Variants in SLC9C2 observed in about 807,000 individuals in gnomAD.
SLC9C2 encodes solute carrier family 9 member C2 (putative).
A neutral mutation model predicts 140.2 loss-of-function variants in SLC9C2; 75 were observed. That is an observed-to-expected ratio of 0.53 (90% confidence interval 0.44 to 0.65). The LOEUF (loss-of-function observed/expected upper bound fraction) is 0.65. Among genes scored for constraint, SLC9C2 ranks in the 30% least tolerant of loss-of-function variants. SLC9C2 has a pLI of 0.00. For synonymous variants in SLC9C2, 375 were observed against 420.9 expected, an observed-to-expected ratio of 0.89 and a Z score of 1.34; for missense variants, 1,074 against 1,331.8, an observed-to-expected ratio of 0.81 and a Z score of 3.01.
intron 18 of SLC9C2, 107 bp from the exon 19 acceptor site, chr1:173,526,821 T>C: frequency 1.3e-6 from 1 of 748,916 alleles, no homozygotes; most frequent in East Asian, 2.8e-5. Flanking sequence ...GCATACTTAT[T>C]ATACCAAGTA....
rs553332205 is a variant in SLC9C2 at position 173,506,280 on chromosome 1, C to G, written c.3225+576G>C. On this transcript the variant is annotated intron_variant, in intron 25 of 27. Transcript: ENST00000367714. ...TCAGCTCTTCCCATGGCCTCTGGGT[C>G]CTCCCCATTCCTTTGCCCAGTGGCA... is the stretch of plus-strand genomic sequence containing the variant. 3.9e-5 allele frequency among the ~76,000 whole-genome samples: 6 copies of G among 152,320 alleles called. No homozygotes were observed. The East Asian group carries it at 9.7e-4, about 25-fold the overall frequency.
At chr1:173,575,300 G>A (rs909548248) in intron 8 of SLC9C2, among the ~76,000 whole-genome samples, 3 of 152,094 alleles carry the variant, frequency 2.0e-5, no homozygotes, top group Non-Finnish European at 4.4e-5. Context: ...GACCTAAGAT[G>A]CAACATCCAG....
intron 23 of SLC9C2, among the ~76,000 whole-genome samples, chr1:173,512,404 C>G (rs554992307): frequency 1.3e-5 from 2 of 152,052 alleles, no homozygotes; most frequent in African/African-American, 2.4e-5. Flanking sequence ...ATTTTATTCT[C>G]TTTGTAGCAA....
rs116735382 is a variant in SLC9C2 at position 173,540,237 on chromosome 1, T to C, written c.1558-3198A>G. Among the ~76,000 whole-genome samples the C allele has an allele frequency of 4.4e-3, 668 of 152,216 alleles. 8 individuals carry two copies. The highest frequency in any genetic ancestry group is 0.015 in the African/African-American group (634 of 41,530). On this transcript the variant is annotated intron_variant, in intron 13 of 27. Transcript: ENST00000367714. ...GCTGCCAAACCTGCGAGTGAGGACA[T>C]CCTGGACCCTCCAACCATAGCTGAT...
At chr1:173,507,144 G>C (rs1378335406) in intron 24 of SLC9C2, 103 bp from the exon 25 acceptor site, 2 of 911,608 alleles carry the variant, frequency 2.2e-6, no homozygotes, top group African/African-American at 3.4e-5. Flanking sequence ...GAGGGTGTCA[G>C]AAGGTACACA....
At chr1:173,573,148 GTT>G (rs920072077) in intron 9 of SLC9C2, 32 bp downstream of exon 9, 2 of 1,422,246 alleles carry the variant, frequency 1.4e-6, no homozygotes, top group African/African-American at 2.9e-5. Flanking sequence ...GAGAATCTCA[GTT>G]TAGTAAACAA....
chr1:173,571,592 A>G (rs1376060435), intron 9 of SLC9C2: 1 of 151,634 alleles, frequency 6.6e-6, no homozygotes, highest in Non-Finnish European at 1.5e-5. Context: ...AGTCTTTATT[A>G]TTTTCTAATA....
rs761843503 is a variant in SLC9C2, at chr1:173,557,370, G to A, written c.1185C>T (p.Leu395=). 1.8e-4 allele frequency: 294 copies of A among 1,612,890 alleles called. 2 individuals carry two copies. The Admixed American group carries it at 4.7e-3, about 26-fold the overall frequency. ...GTGGTACTTCCACTTTTCGTTCAGC[G>A]AGATTATAAACATCAGGAGCCCAGA... is the stretch of plus-strand genomic sequence containing the variant. ...NLLWAPDVYN[L]AERKVEVPQM... is the part of the protein sequence containing the mutation. The change falls in exon 10 of 28, where the codon CTC becomes CTT. Residue 395 remains leucine, a synonymous_variant. Transcript: ENST00000367714.
At chr1:173,553,766 C>T (rs554142225) in intron 11 of SLC9C2, among the ~76,000 whole-genome samples, 1 of 152,244 alleles carries the variant, frequency 6.6e-6, no homozygotes, top group South Asian at 2.1e-4. Context: ...GCATTATTTG[C>T]TTTGTCACGT....
intron 6 of SLC9C2, among the ~76,000 whole-genome samples, chr1:173,582,671 T>C (rs1322928608): frequency 1.3e-5 from 2 of 152,192 alleles, no homozygotes; most frequent in South Asian, 2.1e-4. Context: ...AAACACATTT[T>C]CTCCATTCAT....
At chr1:173,521,046 T>C (rs1209655678) in intron 22 of SLC9C2, among the ~76,000 whole-genome samples, 1 of 152,176 alleles carries the variant, frequency 6.6e-6, no homozygotes, top group Non-Finnish European at 1.5e-5. Flanking sequence ...TTTCCTTCTC[T>C]GAACATTCTG....
At position 173,509,177 on chromosome 1, in the gene SLC9C2, C is replaced by T. The variant is rs544000209; in HGVS notation, c.3039+391G>A. On this transcript the variant is annotated intron_variant, in intron 24 of 27. Transcript: ENST00000367714. ...GCAGACACAGGGCCAGGCACAGTGGCTCACGCCTATAATCCCAGCACTTTG... is the reference window on the plus strand; with the variant it reads ...GCAGACACAGGGCCAGGCACAGTGGTTCACGCCTATAATCCCAGCACTTTG... Among the ~76,000 whole-genome samples, 60 of 152,246 alleles carry T rather than the reference C, an allele frequency of 3.9e-4. 2 individuals are homozygous for T. The highest frequency in any genetic ancestry group is 3.9e-4 in the East Asian group (2 of 5,190).
intron 9 of SLC9C2, among the ~76,000 whole-genome samples, chr1:173,566,130 C>A (rs931084913): frequency 6.6e-6 from 1 of 151,986 alleles, no homozygotes; most frequent in African/African-American, 2.4e-5. Flanking sequence ...AGATATTGAC[C>A]TGAAGTTTTC....
Position 173,568,428 on chromosome 1 carries a change from A to C in SLC9C2, c.1046+4754T>G, listed in dbSNP as rs573689129. Among the ~76,000 whole-genome samples, 3 of 152,292 alleles carry C rather than the reference A, an allele frequency of 2.0e-5. No homozygotes were observed. The South Asian group carries it at 6.2e-4, about 32-fold the overall frequency. On this transcript the variant is annotated intron_variant, in intron 9 of 27. Transcript: ENST00000367714. Reference sequence around the variant, plus strand: ...TAGTTTGCTAAGGATAATAACCTCCAACTCTATCCATGTTCCACAAAAGAC... The same window carrying C: ...TAGTTTGCTAAGGATAATAACCTCCCACTCTATCCATGTTCCACAAAAGAC...
chr1:173,524,994 A>G, intron 19 of SLC9C2, 67 bp from the exon 20 acceptor site: 2 of 1,450,662 alleles, frequency 1.4e-6, no homozygotes, highest in Non-Finnish European at 1.9e-6. Context: ...ATATTAGTAT[A>G]ATACTGTATA....
intron 22 of SLC9C2, among the ~76,000 whole-genome samples, chr1:173,518,314 T>G (rs1285882886): frequency 6.6e-6 from 1 of 151,082 alleles, no homozygotes; most frequent in Non-Finnish European, 1.5e-5. Flanking sequence ...ATGCAACTAA[T>G]GCAATCACTC....
chr1:173,502,676 A>C (rs1357352605), intron 27 of SLC9C2, among the ~76,000 whole-genome samples: 1 of 152,238 alleles, frequency 6.6e-6, no homozygotes, highest in Non-Finnish European at 1.5e-5. Context: ...AAACATCTAC[A>C]TGACTCTCCA....
At chr1:173,518,771 A>C (rs1468849518) in intron 22 of SLC9C2, among the ~76,000 whole-genome samples, 2 of 152,192 alleles carry the variant, frequency 1.3e-5, no homozygotes, top group African/African-American at 4.8e-5. Flanking sequence ...ATGCTTCCAG[A>C]AGAGTTTGAA....
At chr1:173,544,013 A>C (rs555475553) in intron 13 of SLC9C2, among the ~76,000 whole-genome samples, 32 of 152,330 alleles carry the variant, frequency 2.1e-4, no homozygotes, top group Admixed American at 4.6e-4. Flanking sequence ...AATGGGATCT[A>C]ATTAAACTAA....
Sources: gnomAD v4.1 joint callset for allele counts (sites outside exome capture counted in the v4.1 genomes callset) on GRCh38, gnomAD v4.1.1 for gene constraint, MANE v1.5 for transcripts, NCBI Gene and HGNC (gene_info 2026-07-23, HGNC 2026-07-21) for gene names.